Variants in LRP1B observed in about 807,000 individuals in gnomAD.
LRP1B encodes LDL receptor related protein 1B.
LRP1B carries 217 observed loss-of-function variants against 556.6 expected under a neutral mutation model. The ratio of observed to expected loss-of-function variants is 0.39; its 90% CI spans 0.35 to 0.44. The LOEUF is 0.44. Ranked by LOEUF, LRP1B falls within the 20% of genes least tolerant of loss-of-function variation. The probability of loss-of-function intolerance (pLI) is 1.00; values close to 1 mark genes in which losing one functional copy is unlikely to be tolerated. For missense variants in LRP1B, 5,053 were observed against 5,620.8 expected (o/e 0.90, Z 3.23); for synonymous variants, 2,047 against 1,865.8 (o/e 1.10, Z -2.50).
At chr2:141,550,042 G>A (rs1208119597) in intron 2 of LRP1B, among the ~76,000 whole-genome samples, 1 of 152,104 alleles carries the variant, frequency 6.6e-6, no homozygotes, top group Non-Finnish European at 1.5e-5. Context: ...ATTTAAGTTA[G>A]AACTTACACA....
Position 140,468,143 on chromosome 2 carries a change from ATTTCGAGGCTCTC to A in LRP1B, c.9625+6982_9625+6994del, listed in dbSNP as rs568067366. Among the ~76,000 whole-genome samples, 663 of 152,252 alleles carry A rather than the reference ATTTCGAGGCTCTC, an allele frequency of 4.4e-3. 6 individuals carry two copies. The highest frequency in any genetic ancestry group is 0.016 in the African/African-American group (646 of 41,540). ...ATGCCAGAGGCTCAGAAGCAGAACAATTTCGAGGCTCTCTTCCCCACCTTTCAGTGTGGTGCTC... is the reference window on the plus strand; with the variant it reads ...ATGCCAGAGGCTCAGAAGCAGAACAATTCCCCACCTTTCAGTGTGGTGCTC... On this transcript the variant is annotated intron_variant, in intron 60 of 90. Transcript: ENST00000389484.
At chr2:140,823,699 TTATA>T (rs554561800) in intron 31 of LRP1B, among the ~76,000 whole-genome samples, 5 of 151,674 alleles carry the variant, frequency 3.3e-5, no homozygotes, top group South Asian at 4.1e-4. Flanking sequence ...TAAATATAGT[TTATA>T]TATATAGTTT....
intron 7 of LRP1B, among the ~76,000 whole-genome samples, chr2:141,139,092 A>G (rs1402417661): frequency 6.6e-6 from 1 of 151,936 alleles, no homozygotes; most frequent in African/African-American, 2.4e-5. Flanking sequence ...GCACTATAGT[A>G]GAGAAACAAT....
intron 41 of LRP1B, among the ~76,000 whole-genome samples, chr2:140,698,872 T>C (rs1298107936): frequency 6.6e-6 from 1 of 152,076 alleles, no homozygotes; most frequent in Non-Finnish European, 1.5e-5. Context: ...ATATTGGTTC[T>C]CTAACTTATG....
chr2:140,589,366 T>G (rs1682123828), intron 43 of LRP1B, among the ~76,000 whole-genome samples: 1 of 152,106 alleles, frequency 6.6e-6, no homozygotes, highest in Non-Finnish European at 1.5e-5. Context: ...GGTACAGTCA[T>G]TCTGGAAAGC....
chr2:140,782,978 T>C (rs1477742414), intron 32 of LRP1B, among the ~76,000 whole-genome samples: 1 of 152,178 alleles, frequency 6.6e-6, no homozygotes. Context: ...TGAATTTCAA[T>C]GCTTTTTCCA....
intron 1 of LRP1B, among the ~76,000 whole-genome samples, chr2:142,097,246 C>T (rs934175829): frequency 3.3e-5 from 5 of 151,552 alleles, no homozygotes; most frequent in African/African-American, 4.8e-5. Context: ...AAACAATAAT[C>T]GTTGAAAACT....
intron 2 of LRP1B, among the ~76,000 whole-genome samples, chr2:141,749,439 A>C (rs1694028122): frequency 1.3e-5 from 2 of 152,168 alleles, no homozygotes; most frequent in Non-Finnish European, 2.9e-5. Context: ...GTTTTCACCC[A>C]GGAAAGAAAT....
chr2:142,086,808 A>T (rs905791678), intron 1 of LRP1B, among the ~76,000 whole-genome samples: 1 of 152,320 alleles, frequency 6.6e-6, no homozygotes, highest in South Asian at 2.1e-4. Flanking sequence ...CCTACTTCCT[A>T]GATAGTAGTT....
intron 18 of LRP1B, among the ~76,000 whole-genome samples, chr2:140,953,389 C>A (rs1022128221): frequency 6.6e-6 from 1 of 152,088 alleles, no homozygotes; most frequent in Admixed American, 6.6e-5. Context: ...GCGCCTGGCC[C>A]ATATTCTTTA....
At chr2:141,869,637 T>G (rs966649065) in intron 1 of LRP1B, among the ~76,000 whole-genome samples, 7 of 152,270 alleles carry the variant, frequency 4.6e-5, no homozygotes, top group African/African-American at 1.7e-4. Flanking sequence ...GTTTCCATGC[T>G]ATGTGCCTTC....
intron 41 of LRP1B, among the ~76,000 whole-genome samples, chr2:140,632,564 C>A (rs1456762666): frequency 1.3e-5 from 2 of 151,674 alleles, no homozygotes; most frequent in Admixed American, 1.3e-4. Flanking sequence ...CCACTGAAAC[C>A]AGAGGAGATA....
At chr2:141,813,376 A>G (rs1201629347) in intron 1 of LRP1B, among the ~76,000 whole-genome samples, 2 of 152,136 alleles carry the variant, frequency 1.3e-5, no homozygotes, top group Non-Finnish European at 2.9e-5. Context: ...AGAGAATATG[A>G]CATTTGAATA....
chr2:140,568,106 T>C (rs1574088151), intron 43 of LRP1B, among the ~76,000 whole-genome samples: 1 of 146,670 alleles, frequency 6.8e-6, no homozygotes, highest in East Asian at 2.0e-4. Flanking sequence ...AGGAGCAAAA[T>C]AACTCTCCAG....
chr2:141,043,017 G>A (rs1698748421), intron 11 of LRP1B, among the ~76,000 whole-genome samples: 3 of 140,176 alleles, frequency 2.1e-5, no homozygotes, highest in Non-Finnish European at 3.1e-5. Context: ...CATGGTGAAA[G>A]GCTGTCACTA....
intron 41 of LRP1B, among the ~76,000 whole-genome samples, chr2:140,675,413 A>G (rs1685637000): frequency 1.3e-5 from 2 of 152,242 alleles, no homozygotes; most frequent in African/African-American, 4.8e-5. Flanking sequence ...GAATAATTCA[A>G]CTAAAATGTG....
At chr2:141,352,387 T>A (rs2105543117) in intron 3 of LRP1B, among the ~76,000 whole-genome samples, 1 of 152,032 alleles carries the variant, frequency 6.6e-6, no homozygotes, top group African/African-American at 2.4e-5. Context: ...TTTAAAATTT[T>A]TTTTATTTTG....
chr2:141,128,747 A>G (rs1247613859), intron 7 of LRP1B, among the ~76,000 whole-genome samples: 1 of 152,178 alleles, frequency 6.6e-6, no homozygotes, highest in Non-Finnish European at 1.5e-5. Context: ...CAGCCTCCCG[A>G]GTAGCTGGGA....
chr2:141,084,495 T>G (rs1699999278), intron 7 of LRP1B, among the ~76,000 whole-genome samples: 2 of 152,230 alleles, frequency 1.3e-5, no homozygotes, highest in South Asian at 2.1e-4. Flanking sequence ...CAATTATATT[T>G]TGTTGTTGCA....
Sources: allele counts gnomAD v4.1 joint callset (sites outside exome capture counted in the v4.1 genomes callset), GRCh38; gene constraint gnomAD v4.1.1; transcripts MANE v1.5; gene names NCBI Gene and HGNC (gene_info 2026-07-23, HGNC 2026-07-21).